Variants in HELB observed in about 807,000 individuals in gnomAD.
The protein encoded by HELB is DNA helicase B, also known as DNA 5'-3' helicase B.
Under a neutral mutation model 101.7 loss-of-function variants are expected in HELB, and 96 were observed. The ratio of observed to expected loss-of-function variants is 0.94; its 90% CI spans 0.80 to 1.12. HELB has a LOEUF of 1.12. HELB is among the 50% of genes most tolerant of loss of function. HELB has a pLI of 0.00. For synonymous variants in HELB, 437 were observed against 459.7 expected (o/e 0.95, Z 0.63); for missense variants, 1,210 against 1,291.9 (o/e 0.94, Z 0.97).
intron 4 of HELB, 113 bp from the exon 5 acceptor site, chr12:66,313,873 C>A: frequency 1.2e-6 from 1 of 848,418 alleles, no homozygotes; most frequent in Non-Finnish European, 2.0e-6. Flanking sequence ...TGTTTCTTTA[C>A]TTCCCACCCA....
At chr12:66,343,541 G>T (rs2053932357) in exon 14 of HELB, 1 of 152,108 alleles carries the variant, frequency 6.6e-6, no homozygotes, top group Non-Finnish European at 1.5e-5. Flanking sequence ...AAAGTGCTGG[G>T]ATTACAGGTG....
At position 66,302,690 on chromosome 12, in the gene HELB, AAAC is replaced by A. The variant is rs748332737; in HGVS notation, c.88_90del (p.Asn30del). On this transcript the variant is annotated inframe_deletion, in exon 1 of 13. Coordinates refer to ENST00000247815, the MANE Select transcript of HELB (RefSeq NM_001370285.1). ...TGGTGGAGGAGGACGACGACTACCT[AAAC>A]GACGACGTGGAGGAGGATGAAGAGT... 13 of 1,613,976 alleles carry A rather than the reference AAAC, an allele frequency of 8.1e-6. No individual in the cohort carries two copies. The highest frequency in any genetic ancestry group is 1.0e-5 in the Non-Finnish European group (12 of 1,179,986).
intron 7 of HELB, among the ~76,000 whole-genome samples, chr12:66,319,324 GT>G (rs1392046945): frequency 1.3e-5 from 2 of 152,208 alleles, no homozygotes; most frequent in East Asian, 3.8e-4. Flanking sequence ...ATAGGACAGG[GT>G]TGAGAAAGAG....
chr12:66,304,563 A>C (rs1457348770), intron 1 of HELB, among the ~76,000 whole-genome samples, 168 bp from the exon 2 acceptor site: 1 of 152,222 alleles, frequency 6.6e-6, no homozygotes, highest in African/African-American at 2.4e-5. Context: ...GGAGGGAGAC[A>C]GAAAAAGAGG....
In HELB at chr12:66,309,731, T is replaced by G. The variant is rs563944682; in HGVS notation, c.803T>G (p.Leu268Arg). ...ATAACCTACAGAGAGTGGAAACTCC[T>G]GCGATGTGAGGCAAGTTGGATAGCA... is the stretch of plus-strand genomic sequence containing the variant. ...SKITYREWKL[L>R]RCEASWIAFC... The change falls in exon 4 of 13, where the codon CTG becomes CGG. Residue 268 changes from leucine to arginine, a missense_variant. Leu to Arg is a moderately radical substitution (Grantham distance 102, BLOSUM62 -2). Around this residue, in one of 2 missense-constraint regions of HELB, gnomAD observed 470 missense variants for 563.1 expected, o/e 0.83. Transcript: ENST00000247815. The G allele has an allele frequency of 6.2e-7, 1 of 1,611,194 alleles. No individual in the cohort carries two copies. Among genetic ancestry groups the G allele is most frequent in the African/African-American group, 1.3e-5 (1 of 75,006 alleles).
At chr12:66,323,508 C>T (rs776592860) in intron 9 of HELB, among the ~76,000 whole-genome samples, 3 of 152,158 alleles carry the variant, frequency 2.0e-5, no homozygotes, top group East Asian at 1.9e-4. Context: ...AAGCAGTTAG[C>T]GCAGTAGCTG....
intron 7 of HELB, among the ~76,000 whole-genome samples, chr12:66,320,342 T>G (rs1424352871): frequency 6.6e-6 from 1 of 152,202 alleles, no homozygotes; most frequent in Non-Finnish European, 1.5e-5. Context: ...TTAACCTTAT[T>G]ATATCCATAT....
chr12:66,324,303 T>A, intron 10 of HELB, 92 bp downstream of exon 10: 2 of 898,514 alleles, frequency 2.2e-6, no homozygotes, highest in South Asian at 3.3e-5. Context: ...TCTAATGATA[T>A]CAGTTGACAT....
rs755874929 is a variant in HELB at position 66,331,365 on chromosome 12, C to A, written c.2882C>A (p.Pro961His). ...AGTAAGCTCTCCTCTAGCGGCGCACCTCCAGCAGATTTTCCGTCCCCACGG... is the reference window on the plus strand; with the variant it reads ...AGTAAGCTCTCCTCTAGCGGCGCACATCCAGCAGATTTTCCGTCCCCACGG... ...LQSKLSSSGA[P>H]PADFPSPRKS... Residue 961 changes from proline (P) to histidine (H), a missense_variant, in exon 12 of 13, where the codon CCT becomes CAT. By Grantham distance (77) the Pro-to-His change is moderately conservative. Around this residue, in one of 2 missense-constraint regions of HELB, gnomAD observed 740 missense variants for 728.8 expected, o/e 1.02. Transcript: ENST00000247815. 1 of 1,614,210 alleles carries A rather than the reference C, an allele frequency of 6.2e-7. No homozygotes were observed. The highest frequency in any genetic ancestry group is 1.1e-5 in the South Asian group (1 of 91,084).
chr12:66,329,948 G>T (rs2053785844), intron 11 of HELB, among the ~76,000 whole-genome samples: 1 of 152,172 alleles, frequency 6.6e-6, no homozygotes, highest in African/African-American at 2.4e-5. Flanking sequence ...ACATCGGAAA[G>T]ATGTATTTAT....
chr12:66,313,940 G>A, intron 4 of HELB, 46 bp from the exon 5 acceptor site: 1 of 1,579,030 alleles, frequency 6.3e-7, no homozygotes, highest in Non-Finnish European at 8.7e-7. Flanking sequence ...TTTTGGTTTT[G>A]TAGATTTTAT....
chr12:66,331,795 C>T, intron 12 of HELB, 150 bp downstream of exon 12: 1 of 777,294 alleles, frequency 1.3e-6, no homozygotes, highest in Non-Finnish European at 2.0e-6. Flanking sequence ...ATTTCCCTTA[C>T]CTCACTGTCT....
chr12:66,331,140 A>G lies in HELB; in HGVS notation c.2671-14A>G. ...TTATAGCATTTAGTCTTCACACCAT[A>G]TTTTTCCTGCCAGGGGTCCGAGGAG... On this transcript the variant is annotated splice_polypyrimidine_tract_variant and intron_variant, in intron 11 of 12. Transcript: ENST00000247815. The G allele has an allele frequency of 6.3e-7, 1 of 1,585,048 alleles. No individual in the cohort carries two copies. Among genetic ancestry groups the G allele is most frequent in the Non-Finnish European group, 8.6e-7 (1 of 1,164,810 alleles).
In HELB at chr12:66,331,401, G is replaced by A. The variant is rs140987785; in HGVS notation, c.2918G>A (p.Gly973Glu). ...TTTCCGTCCCCACGGAAGAGCTCTGGAGACAGTGGAGGACCCAGCACACCG... is the reference window on the plus strand; with the variant it reads ...TTTCCGTCCCCACGGAAGAGCTCTGAAGACAGTGGAGGACCCAGCACACCG... ...ADFPSPRKSSGDSGGPSTPSA... is the reference protein window; with the variant it reads ...ADFPSPRKSSEDSGGPSTPSA... Residue 973 changes from glycine (G) to glutamate (E), a missense_variant, in exon 12 of 13, where the codon GGA becomes GAA. Gly to Glu is a moderately conservative substitution (Grantham distance 98). Transcript: ENST00000247815. The A allele has an allele frequency of 1.2e-6, 2 of 1,614,080 alleles. No homozygotes were observed. Among genetic ancestry groups the A allele is most frequent in the Admixed American group, 1.7e-5 (1 of 60,002 alleles).
intron 4 of HELB, among the ~76,000 whole-genome samples, chr12:66,313,450 A>C (rs1462504087): frequency 2.0e-5 from 3 of 152,182 alleles, no homozygotes; most frequent in Admixed American, 2.0e-4. Flanking sequence ...GTAATTTTAC[A>C]ACCAATTTTT....
At chr12:66,318,815 T>C in intron 7 of HELB, 23 bp downstream of exon 7, 1 of 1,557,050 alleles carries the variant, frequency 6.4e-7, no homozygotes, top group Non-Finnish European at 8.7e-7. Context: ...TTCTATGAGA[T>C]GTAGAGTTAA....
Position 66,314,005 on chromosome 12 carries a change from C to G in HELB, c.1700C>G (p.Ser567Ter). The change falls in exon 5 of 13, where the codon TCA (serine) becomes TGA (stop). Residue 567 changes from serine (S) to a stop codon, truncating the protein, a stop_gained. Coordinates refer to ENST00000247815, the MANE Select transcript of HELB (RefSeq NM_001370285.1). LOFTEE classifies it high-confidence loss of function. ...TLCQVNYSFY[S>*]WTQTMMTTNK... is the part of the protein sequence containing the mutation. ...TTGTAGGTCAATTATAGCTTCTATT[C>G]ATGGACTCAAACAATGATGACCACA... is the stretch of plus-strand genomic sequence containing the variant. 6.2e-7 allele frequency: 1 copy of G among 1,613,644 alleles called. No individual in the cohort carries two copies. Among genetic ancestry groups the G allele is most frequent in the Non-Finnish European group, 8.5e-7 (1 of 1,179,686 alleles).
intron 4 of HELB, among the ~76,000 whole-genome samples, chr12:66,311,059 A>G (rs898120372): frequency 2.1e-4 from 32 of 152,188 alleles, no homozygotes; most frequent in African/African-American, 7.2e-4. Context: ...AATGCTTTTC[A>G]AAGCAGCAGT....
intron 12 of HELB, among the ~76,000 whole-genome samples, chr12:66,334,426 C>T (rs2053842973): frequency 6.8e-6 from 1 of 146,770 alleles, no homozygotes; most frequent in Admixed American, 6.8e-5. Flanking sequence ...TGTGACGTCC[C>T]ATTCCAGCCT....
Sources: gnomAD v4.1 joint callset for allele counts (sites outside exome capture counted in the v4.1 genomes callset) on GRCh38, gnomAD v4.1.1 for gene constraint, gnomAD v4.1.1 regional missense constraint, MANE v1.5 for transcripts, NCBI Gene and HGNC (gene_info 2026-07-23, HGNC 2026-07-21) for gene names.